KIF16B: variants seen among roughly 807,000 people sequenced by gnomAD.
KIF16B encodes kinesin family member 16B, also known as kinesin-like protein KIF16B.
In KIF16B, 98 loss-of-function variants were observed where a neutral mutation model predicts 156.3. The observed-to-expected ratio is 0.63, with a 90% CI of 0.53 to 0.74. KIF16B has a LOEUF of 0.74. Ranked by LOEUF, KIF16B falls within the 30% of genes least tolerant of loss-of-function variation. The probability of loss-of-function intolerance (pLI) is 0.00; values close to 1 mark genes in which losing one functional copy is unlikely to be tolerated. For synonymous variants in KIF16B, 564 were observed against 583.7 expected (o/e 0.97, Z 0.49); for missense variants, 1,421 against 1,606.5 (o/e 0.88, Z 1.97).
chr20:16,345,993 C>A (rs1034157528), intron 23 of KIF16B, among the ~76,000 whole-genome samples: 1 of 152,224 alleles, frequency 6.6e-6, no homozygotes, highest in African/African-American at 2.4e-5. Flanking sequence ...GCTCTGCAGC[C>A]AGGTGGGAGT....
At chr20:16,549,697 C>T (rs1217987470) in intron 1 of KIF16B, among the ~76,000 whole-genome samples, 3 of 145,732 alleles carry the variant, frequency 2.1e-5, no homozygotes, top group South Asian at 2.3e-4. Flanking sequence ...ACGCCGCATA[C>T]CTACAACTAT....
intron 12 of KIF16B, among the ~76,000 whole-genome samples, chr20:16,457,946 C>T (rs959448736): frequency 6.6e-6 from 1 of 151,852 alleles, no homozygotes; most frequent in Non-Finnish European, 1.5e-5. Context: ...ATAAGTAAAG[C>T]ATGAGTGAGA....
At chr20:16,430,031 A>T (rs372984272) in intron 12 of KIF16B, 49 bp from the exon 13 acceptor site, 19 of 1,550,582 alleles carry the variant, frequency 1.2e-5, no homozygotes, top group Non-Finnish European at 1.7e-5. Context: ...GGGAAAAGAG[A>T]ACTTCAAATT....
At chr20:16,552,059 G>A (rs1231932505) in intron 1 of KIF16B, among the ~76,000 whole-genome samples, 2 of 152,156 alleles carry the variant, frequency 1.3e-5, no homozygotes, top group Non-Finnish European at 2.9e-5. Context: ...TTTTACTCAC[G>A]TCCTCAACTC....
intron 1 of KIF16B, among the ~76,000 whole-genome samples, chr20:16,541,392 C>T (rs927811093): frequency 1.3e-5 from 2 of 152,198 alleles, no homozygotes; most frequent in East Asian, 1.9e-4. Context: ...CAACCTCGAG[C>T]GGCAGCTTGT....
intron 24 of KIF16B, among the ~76,000 whole-genome samples, chr20:16,328,147 T>C (rs1463583534): frequency 6.6e-6 from 1 of 152,180 alleles, no homozygotes; most frequent in Non-Finnish European, 1.5e-5. Flanking sequence ...ACCTCTTGCC[T>C]AGTCGTTTTC....
At chr20:16,442,350 A>ATGTGTGTG (rs1568538775) in intron 12 of KIF16B, among the ~76,000 whole-genome samples, 1 of 134,072 alleles carries the variant, frequency 7.5e-6, no homozygotes, top group Non-Finnish European at 1.6e-5. Flanking sequence ...GTGTGTGTGT[A>ATGTGTGTG]TATATATATA....
chr20:16,543,529 G>T (rs1361608379), intron 1 of KIF16B, among the ~76,000 whole-genome samples: 2 of 152,188 alleles, frequency 1.3e-5, no homozygotes, highest in Admixed American at 6.5e-5. Flanking sequence ...CAAGGTATTA[G>T]GACTTAATTC....
intron 12 of KIF16B, among the ~76,000 whole-genome samples, chr20:16,454,904 C>T (rs2067175235): frequency 1.3e-5 from 2 of 152,188 alleles, no homozygotes; most frequent in African/African-American, 2.4e-5. Flanking sequence ...CAAGAAATAG[C>T]TGGTCTCAAC....
At chr20:16,432,285 C>T (rs2066523318) in intron 12 of KIF16B, among the ~76,000 whole-genome samples, 1 of 152,096 alleles carries the variant, frequency 6.6e-6, no homozygotes, top group African/African-American at 2.4e-5. Flanking sequence ...TGACATTGTG[C>T]TCCATGACTG....
chr20:16,273,678 T>C (rs1337575072), intron 25 of KIF16B, among the ~76,000 whole-genome samples: 3 of 151,288 alleles, frequency 2.0e-5, no homozygotes, highest in African/African-American at 7.3e-5. Flanking sequence ...AATCAATCAA[T>C]CAATCAATCA....
chr20:16,381,601 G>T, intron 18 of KIF16B, 93 bp downstream of exon 18: 1 of 864,202 alleles, frequency 1.2e-6, no homozygotes. Flanking sequence ...CAAGGGGGAA[G>T]TATTGAAGCA....
chr20:16,546,568 G>A (rs767854948), intron 1 of KIF16B, among the ~76,000 whole-genome samples: 1 of 152,118 alleles, frequency 6.6e-6, no homozygotes, highest in Non-Finnish European at 1.5e-5. Flanking sequence ...CAAAATAGGT[G>A]CAAGTGGAAT....
chr20:16,337,173 C>T (rs1410954229), intron 23 of KIF16B, among the ~76,000 whole-genome samples: 1 of 152,186 alleles, frequency 6.6e-6, no homozygotes, highest in Non-Finnish European at 1.5e-5. Flanking sequence ...TCTCTGCCAC[C>T]TCAGGGCCTT....
intron 25 of KIF16B, among the ~76,000 whole-genome samples, chr20:16,287,202 G>T (rs2063235331): frequency 6.6e-6 from 1 of 152,106 alleles, no homozygotes. Context: ...AATGAAAAAA[G>T]TTTCTTTGGT....
intron 3 of KIF16B, among the ~76,000 whole-genome samples, chr20:16,516,596 C>T (rs1417801888): frequency 1.3e-5 from 2 of 152,178 alleles, no homozygotes; most frequent in East Asian, 3.9e-4. Context: ...TGAAGGGCTC[C>T]TCTGTGGTGT....
intron 1 of KIF16B, among the ~76,000 whole-genome samples, chr20:16,546,124 C>T (rs2070396038): frequency 6.6e-6 from 1 of 152,106 alleles, no homozygotes; most frequent in Non-Finnish European, 1.5e-5. Context: ...ATGTATATTG[C>T]CAAGCACAGT....
chr20:16,293,217 G>T (rs75510978), intron 25 of KIF16B, among the ~76,000 whole-genome samples: 1 of 152,142 alleles, frequency 6.6e-6, no homozygotes, highest in Non-Finnish European at 1.5e-5. Flanking sequence ...AAGAATCGAC[G>T]AACTGTTTAC....
chr20:16,535,605 G>A (rs966407778), intron 1 of KIF16B, among the ~76,000 whole-genome samples: 8 of 152,008 alleles, frequency 5.3e-5, no homozygotes, highest in East Asian at 1.9e-4. Context: ...TTCCCCATTC[G>A]CTACAATGTT....
Sources: allele counts gnomAD v4.1 joint callset (sites outside exome capture counted in the v4.1 genomes callset), GRCh38; gene constraint gnomAD v4.1.1; transcripts MANE v1.5; gene names NCBI Gene and HGNC (gene_info 2026-07-23, HGNC 2026-07-21).